The following RIF1 variants were observed in gnomAD, a reference collection of about 807,000 sequenced individuals.
RIF1 encodes telomere-associated protein RIF1.
In RIF1, 45 loss-of-function variants were observed where a neutral mutation model predicts 247.1. The ratio of observed to expected loss-of-function variants is 0.18; its 90% CI spans 0.14 to 0.23. RIF1 has a LOEUF of 0.23. Ranked by LOEUF, RIF1 falls within the 10% of genes least tolerant of loss-of-function variation. The probability of loss-of-function intolerance (pLI) is 1.00; values close to 1 mark genes in which losing one functional copy is unlikely to be tolerated. For synonymous variants in RIF1, 1,087 were observed against 978.8 expected, an observed-to-expected ratio of 1.11 and a Z score of -2.06; for missense variants, 2,967 against 2,862.5, an observed-to-expected ratio of 1.04 and a Z score of -0.83.
chr2:151,511,620 A>G (rs1437881064), downstream of RIF1, among the ~76,000 whole-genome samples: 1 of 152,210 alleles, frequency 6.6e-6, no homozygotes, highest in Non-Finnish European at 1.5e-5. Context: ...ATCAGAAGAC[A>G]AGCACAAATT....
chr2:151,523,464 A>C, the RIF1 span, among the ~76,000 whole-genome samples: 1 of 152,198 alleles, frequency 6.6e-6, no homozygotes, highest in Non-Finnish European at 1.5e-5. Flanking sequence ...TATTTCTTCA[A>C]ACAGATACCT....
chr2:151,439,995 A>AAT, intron 14 of RIF1, 32 bp from the exon 15 acceptor site: 5 of 830,894 alleles, frequency 6.0e-6, no homozygotes, highest in Non-Finnish European at 9.6e-6. Flanking sequence ...AAAAAAAAAA[A>AAT]GAACTATACC....
At chr2:151,451,990 G>A (rs1694390493) in intron 21 of RIF1, among the ~76,000 whole-genome samples, 1 of 152,060 alleles carries the variant, frequency 6.6e-6, no homozygotes, top group Non-Finnish European at 1.5e-5. Context: ...TTGCCTAATA[G>A]TACAAATGGT....
chr2:151,501,419 A>C (rs2064444087), intron 11 of RIF1: 1 of 1,548,938 alleles, frequency 6.5e-7, no homozygotes, highest in African/African-American at 1.4e-5. Flanking sequence ...ATTGAGTTTG[A>C]CTCGCTCCAT....
intron 11 of RIF1, among the ~76,000 whole-genome samples, chr2:151,502,543 A>C (rs1051576799): frequency 2.6e-5 from 4 of 152,152 alleles, no homozygotes; most frequent in African/African-American, 9.6e-5. Flanking sequence ...CTGTTATTAA[A>C]GGAGGAATGG....
chr2:151,513,629 T>G, the RIF1 span: 1 of 1,610,664 alleles, frequency 6.2e-7, no homozygotes, highest in Non-Finnish European at 8.5e-7. Flanking sequence ...ATCCGGAGTT[T>G]CATTGGCCAT....
intron 12 of RIF1, chr2:151,505,603 T>A (rs764024916): frequency 1.2e-5 from 18 of 1,516,248 alleles, no homozygotes; most frequent in Admixed American, 1.7e-5. Context: ...AGAAAGGTAT[T>A]ATTACATGCT....
At chr2:151,513,885 A>G in the RIF1 span, among the ~76,000 whole-genome samples, 2,261 of 152,264 alleles carry the variant, frequency 0.015, 81 homozygotes, top group East Asian at 0.14. Flanking sequence ...GGAGGAAACT[A>G]TTCTATGCAA....
intron 20 of RIF1, among the ~76,000 whole-genome samples, chr2:151,449,303 T>C (rs116532128): frequency 1.5e-3 from 235 of 152,332 alleles, no homozygotes; most frequent in Non-Finnish European, 2.9e-3. Context: ...ATTAGTGATA[T>C]TGGAGTTCTC....
At chr2:151,433,343 A>G (rs1020375233) in intron 10 of RIF1, 115 bp downstream of exon 10, 4 of 662,384 alleles carry the variant, frequency 6.0e-6, no homozygotes, top group African/African-American at 1.8e-5. Flanking sequence ...ACTAGAACAT[A>G]TAAAAGGTCT....
chr2:151,534,074 T>TG, the RIF1 span: 252 of 643,878 alleles, frequency 3.9e-4, 2 homozygotes, highest in South Asian at 5.2e-3. Context: ...GCTTTTTGGG[T>TG]GGCTAGACAG....
At chr2:151,531,236 C>G in the RIF1 span, 2 of 632,846 alleles carry the variant, frequency 3.2e-6, no homozygotes, top group Admixed American at 4.6e-5. Context: ...CTTTCATGCT[C>G]TCTGCTAAGA....
At chr2:151,519,787 A>T in the RIF1 span, 1 of 1,484,028 alleles carries the variant, frequency 6.7e-7, no homozygotes, top group Middle Eastern at 1.7e-4. Context: ...AAATGCAAAC[A>T]TCCAAATTAT....
chr2:151,513,546 T>C, the RIF1 span: 54 of 1,480,318 alleles, frequency 3.6e-5, no homozygotes, highest in Non-Finnish European at 4.8e-5. Flanking sequence ...ACAACTACTT[T>C]CCTGAAAGAT....
At chr2:151,443,067 C>T (rs143707806) in intron 16 of RIF1, among the ~76,000 whole-genome samples, 192 bp from the exon 17 acceptor site, 15 of 151,996 alleles carry the variant, frequency 9.9e-5, no homozygotes, top group East Asian at 1.9e-4. Flanking sequence ...TGAGCCACTG[C>T]GCCCGGCCAA....
chr2:151,410,491 A>G lies in RIF1; in HGVS notation c.68A>G (p.His23Arg), dbSNP rs747794676. ...ACTTTGGAAGACCCTTCTGCCTCCC[A>G]TGGAGGGCAGACTGACGCTTACCTG... is the stretch of plus-strand genomic sequence containing the variant. ...LETLEDPSAS[H>R]GGQTDAYLTL... Residue 23 changes from histidine (H) to arginine (R), a missense_variant, in exon 2 of 36, where the codon CAT (histidine) becomes CGT (arginine). Physicochemically the swap from His to Arg is conservative, Grantham distance 29 (BLOSUM62 0). Transcript: ENST00000444746. 6 of 1,613,796 alleles carry G rather than the reference A, an allele frequency of 3.7e-6. No homozygotes were observed. The highest frequency in any genetic ancestry group is 5.1e-6 in the Non-Finnish European group (6 of 1,179,952).
At chr2:151,509,673 G>T (rs1037024832), downstream of RIF1, among the ~76,000 whole-genome samples, 6 of 152,122 alleles carry the variant, frequency 3.9e-5, no homozygotes, top group Admixed American at 1.3e-4. Context: ...GTGTCTCCAG[G>T]CTAGAGTCCA....
chr2:151,437,283 C>G lies in RIF1; in HGVS notation c.1415C>G (p.Ser472Cys). ...HPLISSPSFF[S>C]KHANTLITAV... ...TTAATCAGCAGCCCTTCCTTTTTTT[C>G]CAAACATGCAAATACACTTATCACT... Residue 472 changes from serine (S) to cysteine (C), a missense_variant, in exon 13 of 36, where the codon TCC (serine) becomes TGC (cysteine). Around this residue, in one of 7 missense-constraint regions of RIF1, gnomAD observed 369 missense variants for 322.0 expected, o/e 1.15. Transcript: ENST00000444746. The G allele has an allele frequency of 6.2e-7, 1 of 1,613,188 alleles. No homozygotes were observed. The highest frequency in any genetic ancestry group is 8.5e-7 in the Non-Finnish European group (1 of 1,179,680).
At chr2:151,413,640 C>A (rs1350404136) in intron 3 of RIF1, among the ~76,000 whole-genome samples, 1 of 152,226 alleles carries the variant, frequency 6.6e-6, no homozygotes, top group Non-Finnish European at 1.5e-5. Flanking sequence ...CCAGGAGATA[C>A]ACTAGTAGCT....
Sources: gnomAD v4.1 joint callset for allele counts (sites outside exome capture counted in the v4.1 genomes callset) on GRCh38, gnomAD v4.1.1 for gene constraint, gnomAD v4.1.1 regional missense constraint, MANE v1.5 for transcripts, NCBI Gene and HGNC (gene_info 2026-07-23, HGNC 2026-07-21) for gene names.